The following OLA1 variants were observed in gnomAD, a reference collection of about 807,000 sequenced individuals.
OLA1 encodes obg-like ATPase 1.
OLA1 carries 14 observed loss-of-function variants against 48.4 expected under a neutral mutation model. The observed-to-expected ratio is 0.29, with a 90% CI of 0.19 to 0.45. The LOEUF (loss-of-function observed/expected upper bound fraction) is 0.45, where lower values mean the gene tolerates loss of function less well. Ranked by LOEUF, OLA1 falls within the 20% of genes least tolerant of loss-of-function variation. OLA1 has a pLI of 1.00. For synonymous variants in OLA1, 127 were observed against 150.4 expected (o/e 0.84, Z 1.14); for missense variants, 325 against 467.1 (o/e 0.70, Z 2.80).
At chr2:174,190,362 A>AT (rs1346379490) in intron 4 of OLA1, among the ~76,000 whole-genome samples, 1 of 152,132 alleles carries the variant, frequency 6.6e-6, no homozygotes, top group Non-Finnish European at 1.5e-5. Flanking sequence ...TCATTTAATT[A>AT]TGACTATAAA....
chr2:174,162,403 C>T (rs2105397481), intron 4 of OLA1, among the ~76,000 whole-genome samples: 1 of 152,270 alleles, frequency 6.6e-6, no homozygotes. Flanking sequence ...ATATGTGGTC[C>T]TATGGAATAA....
chr2:174,176,331 A>C (rs539417413), intron 4 of OLA1, among the ~76,000 whole-genome samples: 7 of 152,270 alleles, frequency 4.6e-5, no homozygotes, highest in African/African-American at 1.7e-4. Flanking sequence ...CTATTCTGAA[A>C]TCTTAATATG....
intron 4 of OLA1, among the ~76,000 whole-genome samples, chr2:174,155,117 G>A (rs1421363028): frequency 6.6e-6 from 1 of 151,998 alleles, no homozygotes; most frequent in Non-Finnish European, 1.5e-5. Flanking sequence ...CTGACCTATA[G>A]CATGTACATC....
At chr2:174,134,247 CT>C (rs1176027931) in intron 5 of OLA1, among the ~76,000 whole-genome samples, 1 of 152,130 alleles carries the variant, frequency 6.6e-6, no homozygotes, top group African/African-American at 2.4e-5. Flanking sequence ...TTTAGAGAAA[CT>C]GTCAAACTCA....
intron 4 of OLA1, among the ~76,000 whole-genome samples, chr2:174,142,425 A>G (rs1686476482): frequency 1.3e-5 from 2 of 152,178 alleles, no homozygotes; most frequent in South Asian, 2.1e-4. Flanking sequence ...GCTTCAATCT[A>G]CTTTATCACT....
chr2:174,156,975 G>A (rs1216990241), intron 4 of OLA1, among the ~76,000 whole-genome samples: 1 of 150,636 alleles, frequency 6.6e-6, no homozygotes, highest in Non-Finnish European at 1.5e-5. Flanking sequence ...GTTGACTGTT[G>A]GGTAGTAGTA....
chr2:174,096,778 C>T (rs990620587), intron 7 of OLA1, among the ~76,000 whole-genome samples: 5 of 152,192 alleles, frequency 3.3e-5, no homozygotes, highest in Admixed American at 1.3e-4. Context: ...TGTCTGCTGT[C>T]AGTGAGTGGG....
At chr2:174,083,295 C>T (rs1481902351) in intron 7 of OLA1, among the ~76,000 whole-genome samples, 1 of 152,020 alleles carries the variant, frequency 6.6e-6, no homozygotes, top group African/African-American at 2.4e-5. Flanking sequence ...AACTAAGTCA[C>T]AAATCCATCA....
intron 7 of OLA1, among the ~76,000 whole-genome samples, chr2:174,121,280 C>T (rs1685908404): frequency 1.3e-5 from 2 of 152,148 alleles, no homozygotes; most frequent in African/African-American, 4.8e-5. Flanking sequence ...TTCCCTATCA[C>T]ACAATATTTC....
chr2:174,209,688 A>G (rs1214154709), intron 4 of OLA1, among the ~76,000 whole-genome samples: 1 of 152,224 alleles, frequency 6.6e-6, no homozygotes, highest in Non-Finnish European at 1.5e-5. Flanking sequence ...AGAAAAAATA[A>G]TCATAATGTT....
At chr2:174,160,015 GAAAAT>G (rs1044411694) in intron 4 of OLA1, among the ~76,000 whole-genome samples, 5 of 151,892 alleles carry the variant, frequency 3.3e-5, no homozygotes, top group Non-Finnish European at 4.4e-5. Flanking sequence ...CTTCATAGGA[GAAAAT>G]AAATTTATAA....
At chr2:174,246,102 C>T (rs1260833518) in intron 2 of OLA1, among the ~76,000 whole-genome samples, 1 of 151,616 alleles carries the variant, frequency 6.6e-6, no homozygotes. Flanking sequence ...GGGTTCAAGA[C>T]CAGCCTGGCC....
intron 7 of OLA1, among the ~76,000 whole-genome samples, chr2:174,101,149 C>T (rs1233959039): frequency 6.6e-6 from 1 of 152,190 alleles, no homozygotes; most frequent in Non-Finnish European, 1.5e-5. Context: ...CAATGCATGA[C>T]AGTTCCTTTT....
intron 5 of OLA1, 64 bp downstream of exon 5, chr2:174,141,761 T>A: frequency 7.8e-7 from 1 of 1,276,082 alleles, no homozygotes; most frequent in Non-Finnish European, 1.1e-6. Flanking sequence ...ATGCATTATT[T>A]AAAAAATTTA....
At chr2:174,098,700 T>C (rs751530167) in intron 7 of OLA1, among the ~76,000 whole-genome samples, 1 of 152,142 alleles carries the variant, frequency 6.6e-6, no homozygotes, top group Non-Finnish European at 1.5e-5. Context: ...GAGGTAATAA[T>C]AGTAGCTACT....
At chr2:174,102,639 C>T (rs983362411) in intron 7 of OLA1, among the ~76,000 whole-genome samples, 5 of 152,026 alleles carry the variant, frequency 3.3e-5, no homozygotes, top group African/African-American at 9.7e-5. Flanking sequence ...AGCTTTCCTT[C>T]GAATAAGGGA....
At chr2:174,217,931 C>A (rs1407606376) in intron 4 of OLA1, 1 of 152,100 alleles carries the variant, frequency 6.6e-6, no homozygotes, top group African/African-American at 2.4e-5. Context: ...AGATGAGAAT[C>A]TTCAATTAGC....
chr2:174,204,037 C>T (rs1055232609), intron 4 of OLA1, among the ~76,000 whole-genome samples: 4 of 151,798 alleles, frequency 2.6e-5, no homozygotes, highest in Non-Finnish European at 5.9e-5. Context: ...TCGTGATCCA[C>T]CTGCCTTGGC....
intron 7 of OLA1, among the ~76,000 whole-genome samples, chr2:174,103,778 A>G (rs1685450118): frequency 6.6e-6 from 1 of 152,144 alleles, no homozygotes; most frequent in Non-Finnish European, 1.5e-5. Context: ...GACAAAAAAC[A>G]AAACAAAAAC....
Sources: allele counts gnomAD v4.1 joint callset (sites outside exome capture counted in the v4.1 genomes callset), GRCh38; gene constraint gnomAD v4.1.1; transcripts MANE v1.5; gene names NCBI Gene and HGNC (gene_info 2026-07-23, HGNC 2026-07-21).